Variants in NEIL3 observed in about 807,000 individuals in gnomAD.
NEIL3 encodes nei like DNA glycosylase 3, also known as endonuclease 8-like 3.
Under a neutral mutation model 57.5 loss-of-function variants are expected in NEIL3, and 48 were observed. The ratio of observed to expected loss-of-function variants is 0.83; its 90% CI spans 0.66 to 1.06. NEIL3 has a LOEUF of 1.06. NEIL3 is among the 50% of genes least tolerant of loss of function. The pLI, the probability that NEIL3 is intolerant of heterozygous loss-of-function variation, is 0.00. For synonymous variants in NEIL3, 261 were observed against 253.2 expected (o/e 1.03, Z -0.29); for missense variants, 717 against 739.1 (o/e 0.97, Z 0.35).
chr4:177,313,878 G>C (rs186030444), intron 1 of NEIL3, among the ~76,000 whole-genome samples: 84 of 152,294 alleles, frequency 5.5e-4, no homozygotes, highest in Non-Finnish European at 1.1e-3. Flanking sequence ...TAAAGATTTA[G>C]AAATAAATTC....
In NEIL3 at chr4:177,322,475, A is replaced by T. The variant is rs201672914; in HGVS notation, c.173A>T (p.Asn58Ile). 1 of 1,613,986 alleles carries T rather than the reference A, an allele frequency of 6.2e-7. No individual in the cohort carries two copies. Among genetic ancestry groups the T allele is most frequent in the Non-Finnish European group, 8.5e-7 (1 of 1,179,880 alleles). Residue 58 changes from asparagine to isoleucine, a missense_variant, in exon 2 of 10, where the codon AAT becomes ATT. Coordinates refer to ENST00000264596, the MANE Select transcript of NEIL3 (RefSeq NM_018248.3). Reference sequence around the variant, plus strand: ...TTCCACTAGGCTGCTGCACTGAATAATGATTCCAGCCAGAATGTCTTGAGC... The same window carrying T: ...TTCCACTAGGCTGCTGCACTGAATATTGATTCCAGCCAGAATGTCTTGAGC... Reference protein sequence around the residue: ...VVSPQAAALNNDSSQNVLSLF... With the variant: ...VVSPQAAALNIDSSQNVLSLF...
At chr4:177,333,387 G>T (rs1420740463) in intron 2 of NEIL3, among the ~76,000 whole-genome samples, 11 of 152,118 alleles carry the variant, frequency 7.2e-5, no homozygotes, top group Admixed American at 6.5e-4. Context: ...ACTGTTAATT[G>T]AATTTTTAGT....
intron 9 of NEIL3, among the ~76,000 whole-genome samples, chr4:177,361,201 A>G (rs34297206): frequency 0.02 from 3,072 of 152,268 alleles, 45 homozygotes; most frequent in Non-Finnish European, 0.031. Context: ...CTGCCTTTCC[A>G]GTCTGTGGAT....
chr4:177,362,381 T>G lies in NEIL3; in HGVS notation c.1728T>G (p.Phe576Leu). The change falls in exon 10 of 10, where the codon TTT (phenylalanine) becomes TTG (leucine). Residue 576 changes from phenylalanine to leucine, a missense_variant. Physicochemically the swap from Phe to Leu is conservative, Grantham distance 22 (BLOSUM62 0). Coordinates refer to ENST00000264596, the MANE Select transcript of NEIL3 (RefSeq NM_018248.3). The stretch of plus-strand genomic sequence containing the variant: ...TTGGACCTAACAATGGAAAGAATTT[T>G]TTTGTGTGTCCTCTTGGGAAGGAAA... ...LKIGPNNGKN[F>L]FVCPLGKEKQ... The G allele has an allele frequency of 1.2e-6, 2 of 1,613,914 alleles. No individual in the cohort carries two copies. The highest frequency in any genetic ancestry group is 1.7e-6 in the Non-Finnish European group (2 of 1,179,886).
At chr4:177,358,421 A>C (rs1207755056) in intron 8 of NEIL3, among the ~76,000 whole-genome samples, 3 of 151,764 alleles carry the variant, frequency 2.0e-5, no homozygotes, top group Non-Finnish European at 4.4e-5. Context: ...GATTCTTCTG[A>C]CTCAGCCTCC....
chr4:177,339,623 C>T lies in NEIL3; in HGVS notation c.628-160C>T, dbSNP rs544194029. Reference sequence around the variant, plus strand: ...GATGGCAGAGGCAGAAAAAAATCTGCGTATAAGTGGACCCTCCCAGTTCAA... The same window carrying T: ...GATGGCAGAGGCAGAAAAAAATCTGTGTATAAGTGGACCCTCCCAGTTCAA... On this transcript the variant is annotated intron_variant, in intron 4 of 9. Transcript: ENST00000264596. Among the ~76,000 whole-genome samples the T allele has an allele frequency of 3.2e-4, 48 of 152,228 alleles. 1 individual carries two copies. In the South Asian group the frequency reaches 9.7e-3, roughly 31 times the overall value.
At chr4:177,345,197 C>T (rs566416377) in intron 6 of NEIL3, among the ~76,000 whole-genome samples, 1 of 152,200 alleles carries the variant, frequency 6.6e-6, no homozygotes, top group African/African-American at 2.4e-5. Context: ...CTGGGAAGGA[C>T]AAGGAAGTCT....
At chr4:177,360,456 C>T (rs368005016) in intron 8 of NEIL3, 47 bp from the exon 9 acceptor site, 1 of 1,439,562 alleles carries the variant, frequency 6.9e-7, no homozygotes, top group African/African-American at 1.4e-5. Context: ...TGTGAATGGT[C>T]CCTTAGCACT....
At chr4:177,365,049 A>ACAGCAGGTCCTTGAATAAGACTT, downstream of NEIL3, among the ~76,000 whole-genome samples, 1 of 152,318 alleles carries the variant, frequency 6.6e-6, no homozygotes, top group Admixed American at 6.5e-5. Context: ...TTAGAAGACT[A>ACAGCAGGTCCTTGAATAAGACTT]CAGCAGGTCC....
At chr4:177,321,234 C>G (rs1734679120) in intron 1 of NEIL3, among the ~76,000 whole-genome samples, 1 of 152,202 alleles carries the variant, frequency 6.6e-6, no homozygotes, top group East Asian at 1.9e-4. Flanking sequence ...CCACTGCCCA[C>G]CAAGGTTTCG....
chr4:177,319,301 C>T (rs1734630639), intron 1 of NEIL3, among the ~76,000 whole-genome samples: 3 of 152,110 alleles, frequency 2.0e-5, no homozygotes, highest in African/African-American at 7.2e-5. Flanking sequence ...GTAGTGAGTG[C>T]AGGCCAGTCA....
chr4:177,349,494 C>T (rs1185864798), intron 6 of NEIL3, among the ~76,000 whole-genome samples: 1 of 152,140 alleles, frequency 6.6e-6, no homozygotes, highest in African/African-American at 2.4e-5. Context: ...AAATCTCCCC[C>T]TCCCTCTCTC....
chr4:177,346,900 A>G (rs1735230601), intron 6 of NEIL3, among the ~76,000 whole-genome samples: 1 of 151,718 alleles, frequency 6.6e-6, no homozygotes, highest in Admixed American at 6.6e-5. Flanking sequence ...TACTTGGGAG[A>G]CTGAGGCAGG....
At chr4:177,340,273 T>G (rs1256275180) in intron 5 of NEIL3, among the ~76,000 whole-genome samples, 1 of 152,192 alleles carries the variant, frequency 6.6e-6, no homozygotes, top group African/African-American at 2.4e-5. Flanking sequence ...GTGGTTTAGA[T>G]TCTTTGGATA....
chr4:177,358,534 C>G (rs541298235), intron 8 of NEIL3, among the ~76,000 whole-genome samples: 8 of 152,062 alleles, frequency 5.3e-5, no homozygotes, highest in African/African-American at 1.4e-4. Context: ...CTTGAACTCT[C>G]GACCTCAGGT....
rs745358876 is a variant in NEIL3 at position 177,317,597 on chromosome 4, C to CTTTTTTTT, written c.157-4845_157-4838dup. 7.4e-3 allele frequency among the ~76,000 whole-genome samples: 516 copies of CTTTTTTTT among 70,066 alleles called. 21 individuals are homozygous for CTTTTTTTT. Among genetic ancestry groups the CTTTTTTTT allele is most frequent in the Middle Eastern group, 0.013 (1 of 80 alleles). The allele number at this position is 70,066 out of a possible 152,430, so 46.0% of individuals were successfully genotyped here. On this transcript the variant is annotated intron_variant, in intron 1 of 9. Transcript: ENST00000264596. ...TTTTCCACGGTTAGAACTTTCTTTT[C>CTTTTTTTT]TTTTTTTTTTTTTTTTTTTTTTTTG...
At chr4:177,346,961 C>T (rs1451015681) in intron 6 of NEIL3, among the ~76,000 whole-genome samples, 1 of 146,810 alleles carries the variant, frequency 6.8e-6, no homozygotes, top group Non-Finnish European at 1.5e-5. Flanking sequence ...GAGATCGCGC[C>T]AATGCACTTC....
At chr4:177,368,340 G>T in the NEIL3 span, among the ~76,000 whole-genome samples, 355 of 152,014 alleles carry the variant, frequency 2.3e-3, no homozygotes, top group African/African-American at 8.1e-3. Flanking sequence ...CTTTTCTAAA[G>T]GTACTTATCA....
At chr4:177,340,596 C>G (rs1487605747) in intron 5 of NEIL3, among the ~76,000 whole-genome samples, 7 of 152,158 alleles carry the variant, frequency 4.6e-5, no homozygotes, top group Non-Finnish European at 1.0e-4. Flanking sequence ...TCTTGAGTAA[C>G]TATGGCTATT....
Sources: allele counts gnomAD v4.1 joint callset (sites outside exome capture counted in the v4.1 genomes callset), GRCh38; gene constraint gnomAD v4.1.1; transcripts MANE v1.5; gene names NCBI Gene and HGNC (gene_info 2026-07-23, HGNC 2026-07-21).